ZFAT: variants seen among roughly 807,000 people sequenced by gnomAD.
ZFAT encodes zinc finger protein ZFAT.
ZFAT carries 64 observed loss-of-function variants against 117.7 expected under a neutral mutation model. The observed-to-expected ratio is 0.54, with a 90% CI of 0.44 to 0.67. ZFAT has a LOEUF of 0.67. Among genes scored for constraint, ZFAT ranks in the 30% least tolerant of loss-of-function variants. The pLI is 0.00. For missense variants in ZFAT, 1,433 were observed against 1,584.5 expected (o/e 0.90, Z 1.62); for synonymous variants, 679 against 615.0 (o/e 1.10, Z -1.54).
chr8:134,780,276 C>A, the ZFAT span, among the ~76,000 whole-genome samples: 1 of 152,160 alleles, frequency 6.6e-6, no homozygotes, highest in Non-Finnish European at 1.5e-5. Flanking sequence ...TAGAGGCAAC[C>A]AGTGTGAATG....
intron 11 of ZFAT, among the ~76,000 whole-genome samples, chr8:134,534,089 C>T (rs1472697863): frequency 1.3e-5 from 2 of 152,186 alleles, no homozygotes; most frequent in African/African-American, 4.8e-5. Flanking sequence ...TCCAGCCACA[C>T]CTCTGGCCTT....
the ZFAT span, among the ~76,000 whole-genome samples, chr8:134,769,454 G>C: frequency 9.3e-3 from 1,422 of 152,320 alleles, 6 homozygotes; most frequent in Middle Eastern, 0.017. Context: ...AGGTCTCACT[G>C]ATGCAAGAGG....
chr8:134,824,847 G>A, the ZFAT span, among the ~76,000 whole-genome samples: 2 of 152,142 alleles, frequency 1.3e-5, no homozygotes, highest in Non-Finnish European at 2.9e-5. Flanking sequence ...TAACCTAAAA[G>A]TCAGAATTCA....
chr8:134,773,493 C>A, the ZFAT span, among the ~76,000 whole-genome samples: 1 of 152,184 alleles, frequency 6.6e-6, no homozygotes, highest in Non-Finnish European at 1.5e-5. Flanking sequence ...ATAAGTTAGA[C>A]TTTCAAGTCT....
chr8:134,724,327 C>T, the ZFAT span, among the ~76,000 whole-genome samples: 1 of 152,130 alleles, frequency 6.6e-6, no homozygotes, highest in Non-Finnish European at 1.5e-5. Flanking sequence ...ACACAGGTGA[C>T]CCAGGGTGAC....
chr8:134,615,361 AT>A (rs1197296339), intron 3 of ZFAT, among the ~76,000 whole-genome samples: 1 of 151,896 alleles, frequency 6.6e-6, no homozygotes, highest in Admixed American at 6.6e-5. Context: ...TGATTTTTGT[AT>A]TTTTTTAGTA....
chr8:134,773,155 C>T, the ZFAT span, among the ~76,000 whole-genome samples: 3 of 151,706 alleles, frequency 2.0e-5, no homozygotes, highest in Non-Finnish European at 4.4e-5. Flanking sequence ...CAGTCTGAGT[C>T]TCTCATTAGG....
intron 1 of ZFAT, among the ~76,000 whole-genome samples, chr8:134,704,744 T>C (rs1244205935): frequency 6.6e-6 from 1 of 152,082 alleles, no homozygotes; most frequent in African/African-American, 2.4e-5. Context: ...AGTAACTCAA[T>C]GGAGGAAGAA....
At chr8:134,733,992 G>C in the ZFAT span, among the ~76,000 whole-genome samples, 1 of 152,230 alleles carries the variant, frequency 6.6e-6, no homozygotes, top group Non-Finnish European at 1.5e-5. Context: ...TTTTGAAAAT[G>C]AGATCCCTGG....
At chr8:134,831,763 A>G in the ZFAT span, among the ~76,000 whole-genome samples, 1 of 148,756 alleles carries the variant, frequency 6.7e-6, no homozygotes, top group Non-Finnish European at 1.5e-5. Flanking sequence ...GCCGCACCGC[A>G]GCGCCCACTT....
At chr8:134,558,148 G>T (rs1823787785) in intron 11 of ZFAT, among the ~76,000 whole-genome samples, 1 of 152,172 alleles carries the variant, frequency 6.6e-6, no homozygotes, top group African/African-American at 2.4e-5. Flanking sequence ...TAAAGTTACA[G>T]AAAAGTCAAT....
At chr8:134,491,886 T>G (rs1818080850) in intron 15 of ZFAT, among the ~76,000 whole-genome samples, 1 of 152,240 alleles carries the variant, frequency 6.6e-6, no homozygotes, top group African/African-American at 2.4e-5. Flanking sequence ...GGGGCACCAC[T>G]GTCCTGCCAA....
chr8:134,497,363 A>T (rs1263884387), intron 15 of ZFAT, among the ~76,000 whole-genome samples: 1 of 152,230 alleles, frequency 6.6e-6, no homozygotes, highest in Non-Finnish European at 1.5e-5. Context: ...GACAGCTGAG[A>T]ACAGGCTTCT....
At chr8:134,592,468 C>T (rs1325858075) in intron 7 of ZFAT, among the ~76,000 whole-genome samples, 2 of 152,172 alleles carry the variant, frequency 1.3e-5, no homozygotes, top group African/African-American at 2.4e-5. Flanking sequence ...CTTGGTTTTG[C>T]CCCTTGTTAG....
the ZFAT span, among the ~76,000 whole-genome samples, chr8:134,770,289 T>C: frequency 6.6e-6 from 1 of 152,208 alleles, no homozygotes; most frequent in East Asian, 1.9e-4. Context: ...GGACCTTAAA[T>C]GGAGGGACCG....
rs567127305 is a variant in ZFAT, at chr8:134,564,815, C to T, written c.2976+518G>A. The stretch of plus-strand genomic sequence containing the variant: ...AGCAGTGGCTAAGCAAGCATTACCA[C>T]CTACACTGAAGAAACACAAATTAGA... On this transcript the variant is annotated intron_variant, in intron 11 of 15. Transcript: ENST00000377838. Among the ~76,000 whole-genome samples the T allele has an allele frequency of 7.6e-4, 116 of 152,272 alleles. 2 individuals carry two copies. In the South Asian group the frequency reaches 0.024, roughly 32 times the overall value.
At chr8:134,584,109 T>C (rs1192132999) in intron 9 of ZFAT, 104 bp from the exon 10 acceptor site, 9 of 1,229,878 alleles carry the variant, frequency 7.3e-6, no homozygotes, top group Non-Finnish European at 1.0e-5. Flanking sequence ...CACTTATAGA[T>C]ATGTATATAT....
chr8:134,584,916 C>T (rs991864014), intron 9 of ZFAT, among the ~76,000 whole-genome samples: 2 of 152,206 alleles, frequency 1.3e-5, no homozygotes, highest in Admixed American at 6.5e-5. Context: ...AGGAAACCAA[C>T]GCTTAAAGAG....
chr8:134,768,178 G>A, the ZFAT span, among the ~76,000 whole-genome samples: 1 of 152,114 alleles, frequency 6.6e-6, no homozygotes, highest in Admixed American at 6.5e-5. Context: ...AACAGCACGT[G>A]CTCGCTTCAT....
Sources: gnomAD v4.1 joint callset for allele counts (sites outside exome capture counted in the v4.1 genomes callset) on GRCh38, gnomAD v4.1.1 for gene constraint, MANE v1.5 for transcripts, NCBI Gene and HGNC (gene_info 2026-07-23, HGNC 2026-07-21) for gene names.